F10: variants seen among roughly 807,000 people sequenced by gnomAD.
F10 encodes the protein Stuart-Prower factor.
In F10, 29 loss-of-function variants were observed where a neutral mutation model predicts 37.1. That is an observed-to-expected ratio of 0.78 (90% CI 0.58 to 1.07). The LOEUF is 1.07. Ranked by LOEUF, F10 falls within the 50% of genes least tolerant of loss-of-function variation. The pLI is 0.00. For missense variants in F10, 539 were observed against 667.9 expected, an observed-to-expected ratio of 0.81 and a Z score of 2.13; for synonymous variants, 262 against 268.6, an observed-to-expected ratio of 0.98 and a Z score of 0.24.
At position 113,142,663 on chromosome 13, in the gene F10, C is replaced by G. The variant is rs527570858; in HGVS notation, c.503-1188C>G. On this transcript the variant is annotated intron_variant, in intron 5 of 7. Coordinates refer to ENST00000375559, the MANE Select transcript of F10 (RefSeq NM_000504.4). ...AGTTCAGGCTGGGCAAGGTGGCTCACGCCTGTAATCCCAGCACTTTGGGAA... is the reference window on the plus strand; with the variant it reads ...AGTTCAGGCTGGGCAAGGTGGCTCAGGCCTGTAATCCCAGCACTTTGGGAA... Among the ~76,000 whole-genome samples, 4 of 147,886 alleles carry G rather than the reference C, an allele frequency of 2.7e-5. No individual in the cohort carries two copies. In the South Asian group the frequency reaches 6.3e-4, roughly 23 times the overall value.
rs1187652594 is a variant in F10, at chr13:113,141,623, C to T, written c.502+573C>T. On this transcript the variant is annotated intron_variant, in intron 5 of 7. Transcript: ENST00000375559. The surrounding 1 kb of genome is among the most constrained non-coding windows in gnomAD (Gnocchi z 5.4). ...CAGTGAGCACAGGACAGGCAGGGGA[C>T]TGGGCAGGGTGGGGACGAGCCTCCC... Among the ~76,000 whole-genome samples, 2 of 152,174 alleles carry T rather than the reference C, an allele frequency of 1.3e-5. No homozygotes were observed. The highest frequency in any genetic ancestry group is 2.9e-5 in the Non-Finnish European group (2 of 68,020).
rs549601920 is a variant in F10 at position 113,130,022 on chromosome 13, G to A, written c.231+410G>A. 2.4e-5 allele frequency: 8 copies of A among 332,516 alleles called. No homozygotes were observed. In the East Asian group the frequency reaches 2.4e-4, roughly 10 times the overall value. The allele number at this position is 332,516 out of a possible 1,614,324, so 20.6% of individuals were successfully genotyped here. On this transcript the variant is annotated intron_variant, in intron 2 of 7. Coordinates refer to ENST00000375559, the MANE Select transcript of F10 (RefSeq NM_000504.4). ...GCGTCCTGCCTTGGCCTCCGTAGTC[G>A]CTGAGAGCCACAGCCTAGAGCGCCA... is the stretch of plus-strand genomic sequence containing the variant.
At position 113,141,206 on chromosome 13, in the gene F10, C is replaced by T. The variant is rs1566919614; in HGVS notation, c.502+156C>T. ...CAGGACTGAGCCCTGGGCTCCGGGC[C>T]CAGGTGGTTCAAACATGAAGACCAT... On this transcript the variant is annotated intron_variant, in intron 5 of 7. Coordinates refer to ENST00000375559, the MANE Select transcript of F10 (RefSeq NM_000504.4). This position sits in a 1 kb window ranked among gnomAD's most constrained non-coding sequence, Gnocchi z 5.4. Among the ~76,000 whole-genome samples the T allele has an allele frequency of 6.6e-6, 1 of 152,132 alleles. No individual in the cohort carries two copies. The highest frequency in any genetic ancestry group is 1.5e-5 in the Non-Finnish European group (1 of 68,014).
At chr13:113,147,595 T>C (rs1263783712) in intron 7 of F10, 99 bp downstream of exon 7, 2 of 815,916 alleles carry the variant, frequency 2.5e-6, no homozygotes, top group African/African-American at 1.7e-5. Context: ...GGAACACTGG[T>C]TGAAATCCTG....
chr13:113,129,466 G>A lies in F10; in HGVS notation c.85G>A (p.Glu29Lys), dbSNP rs1488263286. The change falls in exon 2 of 8, where the codon GAG (glutamate) becomes AAG (lysine). Residue 29 changes from glutamate to lysine, a missense_variant. This residue lies in a region of F10 where 130 missense variants were observed against 120.0 expected (regional missense o/e 1.08). Transcript: ENST00000375559. ...LLGESLFIRR[E>K]QANNILARVT... ...CTGCCTTCCAGTGTTCATCCGCAGG[G>A]AGCAGGCCAACAACATCCTGGCGAG... 1 of 1,613,882 alleles carries A rather than the reference G, an allele frequency of 6.2e-7. No individual in the cohort carries two copies. Among genetic ancestry groups the A allele is most frequent in the Non-Finnish European group, 8.5e-7 (1 of 1,180,028 alleles).
intron 6 of F10, 86 bp from the exon 7 acceptor site, chr13:113,147,293 G>T: frequency 5.7e-6 from 5 of 876,230 alleles, no homozygotes; most frequent in Non-Finnish European, 9.8e-6. Context: ...GGAGGGCCGG[G>T]CAGTGCCACC....
At chr13:113,142,702 G>A (rs2036543333) in intron 5 of F10, among the ~76,000 whole-genome samples, 1 of 147,550 alleles carries the variant, frequency 6.8e-6, no homozygotes, top group Admixed American at 6.7e-5. Context: ...AAGGTGGGTG[G>A]ATCACCTGAG....
At position 113,146,299 on chromosome 13, in the gene F10, A is replaced by T. The variant is rs1399146989; in HGVS notation, c.748-1080A>T. On this transcript the variant is annotated intron_variant, in intron 6 of 7. Transcript: ENST00000375559. The surrounding 1 kb of genome is among the most constrained non-coding windows in gnomAD (Gnocchi z 4.5). The stretch of plus-strand genomic sequence containing the variant: ...GACCGAAATCCTCCCAGTCCCAGGC[A>T]CTGTGTGGTTGGGGCAAGAACCTCG... Among the ~76,000 whole-genome samples the T allele has an allele frequency of 1.3e-5, 2 of 152,120 alleles. No individual in the cohort carries two copies.
chr13:113,129,351 A>G, intron 1 of F10, 101 bp from the exon 2 acceptor site: 1 of 1,470,508 alleles, frequency 6.8e-7, no homozygotes. Flanking sequence ...GCCTTTTGTG[A>G]TCTGGATATG....
Position 113,149,447 on chromosome 13 carries a change from T to C in F10, c.1397T>C (p.Met466Thr), listed in dbSNP as rs778719659. ...TTCCTCAAGTGGATCGACAGGTCCA[T>C]GAAAACCAGGGGCTTGCCCAAGGCC... is the stretch of plus-strand genomic sequence containing the variant. ...TAFLKWIDRS[M>T]KTRGLPKAKS... Residue 466 changes from methionine (M) to threonine (T), a missense_variant, in exon 8 of 8, where the codon ATG (methionine) becomes ACG (threonine). Coordinates refer to ENST00000375559, the MANE Select transcript of F10 (RefSeq NM_000504.4). The surrounding 1 kb of genome is among the most constrained non-coding windows in gnomAD (Gnocchi z 7.5). The C allele has an allele frequency of 6.2e-7, 1 of 1,613,364 alleles. No homozygotes were observed.
rs1231640257 is a variant in F10, at chr13:113,143,887, G to C, written c.539G>C (p.Arg180Thr). ...TGTGGGAAACAGACCCTGGAACGCA[G>C]GAAGAGGTCAGTGGCCCAGGCCACC... ...YPCGKQTLER[R>T]KRSVAQATSS... The change falls in exon 6 of 8, where the codon AGG becomes ACG. Residue 180 changes from arginine to threonine, a missense_variant. By Grantham distance (71) the Arg-to-Thr change is moderately conservative (BLOSUM62 -1). Coordinates refer to ENST00000375559, the MANE Select transcript of F10 (RefSeq NM_000504.4). This position sits in a 1 kb window ranked among gnomAD's most constrained non-coding sequence, Gnocchi z 6.8. 1 of 1,613,308 alleles carries C rather than the reference G, an allele frequency of 6.2e-7. No individual in the cohort carries two copies. Among genetic ancestry groups the C allele is most frequent in the Non-Finnish European group, 8.5e-7 (1 of 1,180,020 alleles).
Position 113,141,129 on chromosome 13 carries a change from GA to G in F10, c.502+80del. 1 of 1,591,652 alleles carries G rather than the reference GA, an allele frequency of 6.3e-7. No individual in the cohort carries two copies. ...GGACAAGCCCGTGCCAGGGGGTGGG[GA>G]CACAGGCATGTTCTGGGCGGGCCTG... On this transcript the variant is annotated intron_variant, in intron 5 of 7. Coordinates refer to ENST00000375559, the MANE Select transcript of F10 (RefSeq NM_000504.4). This position sits in a 1 kb window ranked among gnomAD's most constrained non-coding sequence, Gnocchi z 5.4.
intron 2 of F10, among the ~76,000 whole-genome samples, chr13:113,138,190 C>T (rs1181972257): frequency 6.6e-6 from 1 of 152,208 alleles, no homozygotes; most frequent in Non-Finnish European, 1.5e-5. Flanking sequence ...TTGGTGCAAC[C>T]TGTTTCTAGG....
chr13:113,145,675 C>T (rs1028849650), intron 6 of F10, among the ~76,000 whole-genome samples: 15 of 152,176 alleles, frequency 9.9e-5, no homozygotes, highest in African/African-American at 1.7e-4. Flanking sequence ...GCTGGGGAGG[C>T]CTCACCGTCA....
Position 113,143,484 on chromosome 13 carries a change from C to T in F10, c.503-367C>T, listed in dbSNP as rs553018879. Among the ~76,000 whole-genome samples, 1 of 152,344 alleles carries T rather than the reference C, an allele frequency of 6.6e-6. No homozygotes were observed. Among genetic ancestry groups the T allele is most frequent in the East Asian group, 1.9e-4 (1 of 5,180 alleles). The stretch of plus-strand genomic sequence containing the variant: ...GGTTCTCCTGTTGGCATCCTCCGGC[C>T]AGATGCATTCATCCCATTTCGCCCG... On this transcript the variant is annotated intron_variant, in intron 5 of 7. Coordinates refer to ENST00000375559, the MANE Select transcript of F10 (RefSeq NM_000504.4). The surrounding 1 kb of genome is among the most constrained non-coding windows in gnomAD (Gnocchi z 6.8).
rs754718760 is a variant in F10 at position 113,129,628 on chromosome 13, A to T, written c.231+16A>T. On this transcript the variant is annotated intron_variant, in intron 2 of 7. Coordinates refer to ENST00000375559, the MANE Select transcript of F10 (RefSeq NM_000504.4). The stretch of plus-strand genomic sequence containing the variant: ...CGACAAGACGGTAAGGGCTGGGGAT[A>T]GCCTGGCTGTTGGTAAGGAGCTCAG... 7 of 1,613,932 alleles carry T rather than the reference A, an allele frequency of 4.3e-6. No homozygotes were observed. Among genetic ancestry groups the T allele is most frequent in the Non-Finnish European group, 5.9e-6 (7 of 1,179,962 alleles).
chr13:113,143,632 C>T lies in F10; in HGVS notation c.503-219C>T, dbSNP rs2036552912. Among the ~76,000 whole-genome samples the T allele has an allele frequency of 6.6e-6, 1 of 152,200 alleles. No individual in the cohort carries two copies. Among genetic ancestry groups the T allele is most frequent in the Non-Finnish European group, 1.5e-5 (1 of 68,030 alleles). ...CTGCCTGGCGTCCATTGTTCACAGG[C>T]GGTCACCTGAGGGGAGGCCAACGCT... On this transcript the variant is annotated intron_variant, in intron 5 of 7. Coordinates refer to ENST00000375559, the MANE Select transcript of F10 (RefSeq NM_000504.4). This position sits in a 1 kb window ranked among gnomAD's most constrained non-coding sequence, Gnocchi z 6.8.
chr13:113,145,159 C>T (rs755041508), intron 6 of F10, among the ~76,000 whole-genome samples: 3 of 152,122 alleles, frequency 2.0e-5, no homozygotes, highest in Non-Finnish European at 2.9e-5. Flanking sequence ...GGATTACAGG[C>T]GTGAGACAAT....
intron 1 of F10, among the ~76,000 whole-genome samples, chr13:113,126,279 C>T (rs1451494547): frequency 3.3e-5 from 5 of 152,174 alleles, no homozygotes; most frequent in African/African-American, 1.2e-4. Flanking sequence ...TCACACAGTC[C>T]AGCTCAACCT....
Sources: allele counts gnomAD v4.1 joint callset (sites outside exome capture counted in the v4.1 genomes callset), GRCh38; gene constraint gnomAD v4.1.1; regional missense constraint gnomAD v4.1.1; non-coding constraint Gnocchi (gnomAD v3.1); transcripts MANE v1.5; gene names NCBI Gene and HGNC (gene_info 2026-07-23, HGNC 2026-07-21).